FBXL20: variants seen among roughly 807,000 people sequenced by gnomAD.
FBXL20 encodes the protein F-box and leucine rich repeat protein 20, also known as F-box/LRR-repeat protein 20.
Under a neutral mutation model 64.0 loss-of-function variants are expected in FBXL20, and 11 were observed. That is an observed-to-expected ratio of 0.17 (90% CI 0.11 to 0.28). The LOEUF (loss-of-function observed/expected upper bound fraction) is 0.28, where lower values mean the gene tolerates loss of function less well. Ranked by LOEUF, FBXL20 falls within the 10% of genes least tolerant of loss-of-function variation. The pLI is 1.00. For synonymous variants in FBXL20, 184 were observed against 189.0 expected, an observed-to-expected ratio of 0.97 and a Z score of 0.22; for missense variants, 303 against 526.2, an observed-to-expected ratio of 0.58 and a Z score of 4.15.
chr17:39,347,553 T>A (rs1219619094), intron 1 of FBXL20, among the ~76,000 whole-genome samples: 2 of 152,240 alleles, frequency 1.3e-5, no homozygotes, highest in Non-Finnish European at 2.9e-5. Flanking sequence ...TTTTTTCTTG[T>A]AAATTTGTTT....
In FBXL20 at chr17:39,261,143, C is replaced by G. The variant is rs531494265; in HGVS notation, c.*317G>C. On this transcript the variant is annotated 3_prime_UTR_variant, in exon 15 of 15. Transcript: ENST00000264658. The stretch of plus-strand genomic sequence containing the variant: ...TTTAAAAACCACAGTAGCATTAACA[C>G]GGGGTTTGCTGGAATGCCCCTCCCT... 1.2e-4 allele frequency: 32 copies of G among 277,840 alleles called. No individual in the cohort carries two copies. The South Asian group carries it at 1.2e-3, about 10-fold the overall frequency. 17.2% of individuals were successfully genotyped at this position (277,840 alleles called of 1,614,324 possible). A position where few individuals can be genotyped will look rare whatever the true frequency, so the allele number is the denominator to read the frequency against.
intron 2 of FBXL20, among the ~76,000 whole-genome samples, chr17:39,332,078 G>C (rs1051890399): frequency 5.3e-5 from 8 of 152,224 alleles, no homozygotes; most frequent in African/African-American, 1.9e-4. Flanking sequence ...CAGGAAGTCA[G>C]ATTGTAGAGT....
At chr17:39,402,098 G>A (rs1352228283), upstream of FBXL20, 17 of 1,202,114 alleles carry the variant, frequency 1.4e-5, no homozygotes, top group Non-Finnish European at 1.6e-5. Context: ...GTCGCCCCTC[G>A]TCACTTGTTC....
chr17:39,383,958 G>C (rs1402903914), intron 1 of FBXL20, among the ~76,000 whole-genome samples: 1 of 151,996 alleles, frequency 6.6e-6, no homozygotes, highest in Non-Finnish European at 1.5e-5. Context: ...TACAGGCCAG[G>C]CCTGGTGGCT....
At chr17:39,343,269 T>G in intron 1 of FBXL20, 28 bp from the exon 2 acceptor site, 1 of 1,512,424 alleles carries the variant, frequency 6.6e-7, no homozygotes, top group Non-Finnish European at 9.0e-7. Flanking sequence ...TAGTGTCAAG[T>G]GTTACTTAAC....
intron 1 of FBXL20, among the ~76,000 whole-genome samples, chr17:39,379,934 G>A (rs140074433): frequency 2.6e-5 from 4 of 152,192 alleles, no homozygotes; most frequent in African/African-American, 9.6e-5. Flanking sequence ...AGCCATGATC[G>A]CATCATGGCA....
At chr17:39,333,435 G>A (rs907191118) in intron 2 of FBXL20, among the ~76,000 whole-genome samples, 2 of 152,234 alleles carry the variant, frequency 1.3e-5, no homozygotes, top group Non-Finnish European at 2.9e-5. Flanking sequence ...ACAGAGTGTC[G>A]CTCATTCAGT....
At chr17:39,261,658 T>G in intron 14 of FBXL20, 91 bp from the exon 15 acceptor site, 1 of 938,026 alleles carries the variant, frequency 1.1e-6, no homozygotes, top group Non-Finnish European at 1.7e-6. Flanking sequence ...AGGGGCTCAA[T>G]GAACATAAAA....
chr17:39,316,287 C>G (rs1291769053), intron 2 of FBXL20, among the ~76,000 whole-genome samples: 1 of 133,510 alleles, frequency 7.5e-6, no homozygotes, highest in Non-Finnish European at 1.6e-5. Flanking sequence ...ACGTGTTCAT[C>G]TACATATACA....
chr17:39,317,701 G>GTTTTTTTTTTTTTTTT (rs1238194174), intron 2 of FBXL20, among the ~76,000 whole-genome samples: 1 of 44,298 alleles, frequency 2.3e-5, no homozygotes, highest in Non-Finnish European at 4.5e-5. Flanking sequence ...TTTTTTTTTT[G>GTTTTTTTTTTTTTTTT]TTTTTTTTTT....
At chr17:39,304,521 C>T (rs951370595) in intron 2 of FBXL20, among the ~76,000 whole-genome samples, 12 of 152,146 alleles carry the variant, frequency 7.9e-5, no homozygotes, top group African/African-American at 2.7e-4. Context: ...AACTGCTGAG[C>T]TCAAGCAATC....
Position 39,367,042 on chromosome 17 carries a change from C to T in FBXL20, c.43-23801G>A, listed in dbSNP as rs886955185. The stretch of plus-strand genomic sequence containing the variant: ...GGACTACAGGCACCCACCACCACGC[C>T]CAGCTAATTTTTTGTATTTTTTAGT... On this transcript the variant is annotated intron_variant, in intron 1 of 14. Coordinates refer to ENST00000264658, the MANE Select transcript of FBXL20 (RefSeq NM_032875.3). Among the ~76,000 whole-genome samples, 5 of 151,856 alleles carry T rather than the reference C, an allele frequency of 3.3e-5. 1 individual carries two copies. Among genetic ancestry groups the T allele is most frequent in the Admixed American group, 2.0e-4 (3 of 15,210 alleles).
intron 6 of FBXL20, 28 bp downstream of exon 6, chr17:39,297,099 T>C (rs752402562): frequency 6.4e-7 from 1 of 1,559,774 alleles, no homozygotes; most frequent in South Asian, 1.1e-5. Flanking sequence ...GGGTTATGAC[T>C]TATCCTCCAA....
intron 2 of FBXL20, among the ~76,000 whole-genome samples, chr17:39,326,378 G>C (rs932918090): frequency 1.3e-5 from 2 of 151,844 alleles, no homozygotes; most frequent in African/African-American, 2.4e-5. Context: ...AAAAATTCTT[G>C]GTCAGGTACA....
intron 6 of FBXL20, among the ~76,000 whole-genome samples, chr17:39,287,846 G>A (rs2047002301): frequency 6.6e-6 from 1 of 152,040 alleles, no homozygotes; most frequent in Admixed American, 6.6e-5. Flanking sequence ...AATTCATGAG[G>A]GACCCAGTTT....
At position 39,375,292 on chromosome 17, in the gene FBXL20, G is replaced by A. The variant is rs751180941; in HGVS notation, c.42+26069C>T. On this transcript the variant is annotated intron_variant, in intron 1 of 14. Coordinates refer to ENST00000264658, the MANE Select transcript of FBXL20 (RefSeq NM_032875.3). ...TTTGTATAACTGGAGGTCAAAATAA[G>A]GTACTGGAGCTCTTCAGAAACCTCC... Among the ~76,000 whole-genome samples, 103 of 152,172 alleles carry A rather than the reference G, an allele frequency of 6.8e-4. 1 individual carries two copies. Among genetic ancestry groups the A allele is most frequent in the Non-Finnish European group, 1.0e-3 (69 of 68,022 alleles).
intron 2 of FBXL20, among the ~76,000 whole-genome samples, chr17:39,342,411 T>C (rs2047591354): frequency 1.4e-5 from 2 of 146,542 alleles, no homozygotes; most frequent in Admixed American, 6.8e-5. Context: ...CTACATAAAA[T>C]TGAAAAAAAA....
At chr17:39,276,696 C>T (rs1333908606) in intron 9 of FBXL20, among the ~76,000 whole-genome samples, 4 of 152,110 alleles carry the variant, frequency 2.6e-5, no homozygotes, top group Non-Finnish European at 5.9e-5. Flanking sequence ...TGGGCCACCA[C>T]GCCCGGCCCA....
At chr17:39,278,938 G>C (rs911058761) in intron 9 of FBXL20, among the ~76,000 whole-genome samples, 3 of 151,870 alleles carry the variant, frequency 2.0e-5, no homozygotes, top group Non-Finnish European at 2.9e-5. Flanking sequence ...CAGATCACTT[G>C]AGGTCAGGAG....
Sources: allele counts gnomAD v4.1 joint callset (sites outside exome capture counted in the v4.1 genomes callset), GRCh38; gene constraint gnomAD v4.1.1; transcripts MANE v1.5; gene names NCBI Gene and HGNC (gene_info 2026-07-23, HGNC 2026-07-21).